The following BBS9 variants were observed in gnomAD, a reference collection of about 807,000 sequenced individuals.
The protein encoded by BBS9 is Bardet-Biedl syndrome 9, also known as protein PTHB1.
In BBS9, 89 loss-of-function variants were observed where a neutral mutation model predicts 117.7. The ratio of observed to expected loss-of-function variants is 0.76; its 90% CI spans 0.64 to 0.90. The LOEUF (loss-of-function observed/expected upper bound fraction) is 0.90, where lower values mean the gene tolerates loss of function less well. Ranked by LOEUF, BBS9 falls within the 40% of genes least tolerant of loss-of-function variation. The pLI is 0.00. For synonymous variants in BBS9, 379 were observed against 370.9 expected (o/e 1.02, Z -0.25); for missense variants, 982 against 1,042.2 (o/e 0.94, Z 0.80).
chr7:33,293,458 TTC>T (rs1804504671), intron 9 of BBS9, among the ~76,000 whole-genome samples: 1 of 152,088 alleles, frequency 6.6e-6, no homozygotes, highest in Non-Finnish European at 1.5e-5. Context: ...ATGTATGGAT[TTC>T]TACCTAGGAG....
At chr7:33,314,240 T>C (rs1179199431) in intron 9 of BBS9, 1 of 208,742 alleles carries the variant, frequency 4.8e-6, no homozygotes, top group South Asian at 5.2e-5. Flanking sequence ...ATTTCCTTTC[T>C]TTTTTTTTTT....
rs115043706 is a variant in BBS9, at chr7:33,153,154, T to C, written c.263+303T>C. ...GAAATAAATAAGAAGTATCTACTTATTTAAAGTTATATAAGTGTCCATTTA... is the reference window on the plus strand; with the variant it reads ...GAAATAAATAAGAAGTATCTACTTACTTAAAGTTATATAAGTGTCCATTTA... On this transcript the variant is annotated intron_variant, in intron 3 of 22. Transcript: ENST00000242067. 1.7e-3 allele frequency among the ~76,000 whole-genome samples: 263 copies of C among 152,300 alleles called. 1 individual carries two copies. The highest frequency in any genetic ancestry group is 6.0e-3 in the African/African-American group (250 of 41,560).
intron 19 of BBS9, among the ~76,000 whole-genome samples, chr7:33,429,868 G>T (rs1258344883): frequency 6.6e-6 from 1 of 151,748 alleles, no homozygotes; most frequent in Non-Finnish European, 1.5e-5. Context: ...AAAACCTATA[G>T]TTTTGTTAAC....
At chr7:33,571,532 A>G (rs891762232) in intron 21 of BBS9, among the ~76,000 whole-genome samples, 1 of 152,092 alleles carries the variant, frequency 6.6e-6, no homozygotes, top group African/African-American at 2.4e-5. Flanking sequence ...CATCTTTGAA[A>G]TGATCATTTA....
chr7:33,380,179 T>G, intron 17 of BBS9: 1 of 170,164 alleles, frequency 5.9e-6, no homozygotes, highest in Non-Finnish European at 1.3e-5. Flanking sequence ...TGCGGAGGCA[T>G]GGGGAAAGAT....
chr7:33,484,148 C>T (rs750469197), intron 19 of BBS9, among the ~76,000 whole-genome samples: 3 of 152,156 alleles, frequency 2.0e-5, no homozygotes, highest in Non-Finnish European at 2.9e-5. Context: ...TTATTCTTCT[C>T]TTCCTGGCAT....
intron 6 of BBS9, among the ~76,000 whole-genome samples, chr7:33,261,013 C>T (rs1797897918): frequency 6.6e-6 from 1 of 151,586 alleles, no homozygotes; most frequent in East Asian, 1.9e-4. Flanking sequence ...TTGGCTCTGA[C>T]CAAATGGAAA....
chr7:33,560,157 C>T (rs1385853259), intron 21 of BBS9, among the ~76,000 whole-genome samples: 1 of 152,054 alleles, frequency 6.6e-6, no homozygotes, highest in African/African-American at 2.4e-5. Context: ...CTTTGGTACC[C>T]CTAGCGCTTA....
At chr7:33,407,936 C>G (rs1012323054) in intron 19 of BBS9, among the ~76,000 whole-genome samples, 1 of 152,228 alleles carries the variant, frequency 6.6e-6, no homozygotes, top group African/African-American at 2.4e-5. Flanking sequence ...TCTCCAGCTG[C>G]ATGCTGGGAG....
At chr7:33,348,992 T>C in intron 12 of BBS9, 76 bp from the exon 13 acceptor site, 1 of 1,025,108 alleles carries the variant, frequency 9.8e-7, no homozygotes, top group Non-Finnish European at 1.5e-6. Flanking sequence ...TTGCTAGTTA[T>C]GTTTAAGTAG....
intron 5 of BBS9, among the ~76,000 whole-genome samples, chr7:33,192,472 CTG>C (rs1285560252): frequency 2.0e-5 from 3 of 152,134 alleles, no homozygotes; most frequent in Non-Finnish European, 2.9e-5. Context: ...AATATAAAAA[CTG>C]TGCACATTTT....
intron 21 of BBS9, among the ~76,000 whole-genome samples, chr7:33,535,448 A>G (rs1851226438): frequency 6.6e-6 from 1 of 152,218 alleles, no homozygotes; most frequent in Non-Finnish European, 1.5e-5. Flanking sequence ...TATGATTTGA[A>G]TATCTTTACC....
At chr7:33,308,165 G>C (rs1405753569) in intron 9 of BBS9, among the ~76,000 whole-genome samples, 2 of 152,178 alleles carry the variant, frequency 1.3e-5, no homozygotes, top group Non-Finnish European at 2.9e-5. Flanking sequence ...GCAGCTAGCT[G>C]AATGTATGCC....
intron 5 of BBS9, among the ~76,000 whole-genome samples, chr7:33,213,734 G>A (rs1788500074): frequency 6.6e-6 from 1 of 152,032 alleles, no homozygotes; most frequent in Admixed American, 6.6e-5. Context: ...TTTCAAGGCA[G>A]TAGGTTGCCT....
intron 20 of BBS9, among the ~76,000 whole-genome samples, chr7:33,525,087 A>C (rs1177548379): frequency 6.6e-6 from 1 of 152,024 alleles, no homozygotes; most frequent in Non-Finnish European, 1.5e-5. Context: ...CCTGAGTTCT[A>C]GTTTGATTGC....
chr7:33,524,231 C>A (rs1178971929), intron 20 of BBS9, among the ~76,000 whole-genome samples: 1 of 151,034 alleles, frequency 6.6e-6, no homozygotes, highest in East Asian at 2.0e-4. Flanking sequence ...GTGTCTCTGC[C>A]CAGCTTTGGT....
intron 19 of BBS9, among the ~76,000 whole-genome samples, chr7:33,476,677 C>T (rs910213552): frequency 1.3e-5 from 2 of 152,170 alleles, no homozygotes; most frequent in African/African-American, 2.4e-5. Flanking sequence ...CCCTCATTAC[C>T]TACTAAACTC....
chr7:33,322,173 T>C (rs1811859782), intron 9 of BBS9, among the ~76,000 whole-genome samples: 1 of 152,036 alleles, frequency 6.6e-6, no homozygotes. Flanking sequence ...TTTATTGGCC[T>C]GTAATTTTCT....
chr7:33,382,056 C>G (rs1354228234), intron 17 of BBS9, among the ~76,000 whole-genome samples: 1 of 152,174 alleles, frequency 6.6e-6, no homozygotes, highest in Middle Eastern at 3.2e-3. Flanking sequence ...AGCAAGAAGA[C>G]TGAGTTCATC....
Sources: gnomAD v4.1 joint callset for allele counts (sites outside exome capture counted in the v4.1 genomes callset) on GRCh38, gnomAD v4.1.1 for gene constraint, MANE v1.5 for transcripts, NCBI Gene and HGNC (gene_info 2026-07-23, HGNC 2026-07-21) for gene names.